DPP4: variants seen among roughly 807,000 people sequenced by gnomAD.
The protein encoded by DPP4 is ADCP-2.
In DPP4, 93 loss-of-function variants were observed where a neutral mutation model predicts 122.4. That is an observed-to-expected ratio of 0.76 (90% CI 0.64 to 0.90). The LOEUF is 0.90. DPP4 is among the 40% of genes least tolerant of loss of function. The pLI, the probability that DPP4 is intolerant of heterozygous loss-of-function variation, is 0.00. For synonymous variants in DPP4, 321 were observed against 302.9 expected (o/e 1.06, Z -0.62); for missense variants, 914 against 907.3 (o/e 1.01, Z -0.09).
At chr2:162,063,371 G>T (rs1684846764) in intron 2 of DPP4, among the ~76,000 whole-genome samples, 1 of 152,166 alleles carries the variant, frequency 6.6e-6, no homozygotes. Context: ...TTGGAAAGTT[G>T]CCAAGTTGTA....
intron 20 of DPP4, among the ~76,000 whole-genome samples, chr2:162,010,490 A>G (rs1472478117): frequency 6.6e-6 from 1 of 152,124 alleles, no homozygotes; most frequent in African/African-American, 2.4e-5. Context: ...AGCTCTTTTT[A>G]GTTGCTGCAA....
At chr2:162,044,364 G>T (rs1436715369) in intron 5 of DPP4, among the ~76,000 whole-genome samples, 3 of 152,134 alleles carry the variant, frequency 2.0e-5, no homozygotes, top group East Asian at 3.9e-4. Context: ...ATGCAGTAGG[G>T]AATGGTTTGC....
At chr2:162,043,098 A>G (rs917626072) in intron 5 of DPP4, among the ~76,000 whole-genome samples, 1 of 152,212 alleles carries the variant, frequency 6.6e-6, no homozygotes, top group Non-Finnish European at 1.5e-5. Context: ...AAAGGTTCTC[A>G]ACTCAGCATC....
chr2:162,019,366 T>C, intron 14 of DPP4, 90 bp from the exon 15 acceptor site: 1 of 902,130 alleles, frequency 1.1e-6, no homozygotes, highest in African/African-American at 1.7e-5. Flanking sequence ...AGCCTAAGTG[T>C]GCACGGAGCG....
At chr2:162,062,061 G>A (rs1305113431) in intron 2 of DPP4, among the ~76,000 whole-genome samples, 4 of 151,112 alleles carry the variant, frequency 2.6e-5, no homozygotes, top group Non-Finnish European at 5.9e-5. Context: ...CTGAGGTCAG[G>A]AGTATGAGAC....
intron 10 of DPP4, among the ~76,000 whole-genome samples, chr2:162,025,925 T>C (rs1425338182): frequency 6.6e-6 from 1 of 152,118 alleles, no homozygotes; most frequent in Admixed American, 6.5e-5. Flanking sequence ...AGGCTGGACC[T>C]GCCCCTCTCC....
At position 162,035,338 on chromosome 2, in the gene DPP4, C is replaced by T. The variant is rs6432708; in HGVS notation, c.614-14G>A. ...TGAAGACTTCCTCTGAAAAAAGACA[C>T]AAATTGTTCTGTTACAAGAAGTAGC... On this transcript the variant is annotated splice_polypyrimidine_tract_variant and intron_variant, in intron 8 of 25. Coordinates refer to ENST00000360534, the MANE Select transcript of DPP4 (RefSeq NM_001935.4). The T allele has an allele frequency of 0.63, 1,012,850 of 1,607,356 alleles. 328,062 individuals carry two copies. Among genetic ancestry groups the T allele is most frequent in the East Asian group, 0.99 (44,417 of 44,814 alleles).
At chr2:162,034,175 A>T (rs1052285747) in intron 9 of DPP4, among the ~76,000 whole-genome samples, 1 of 152,026 alleles carries the variant, frequency 6.6e-6, no homozygotes, top group Non-Finnish European at 1.5e-5. Flanking sequence ...ATTCAGGTTC[A>T]CTATGTTGGA....
At chr2:162,001,062 C>T (rs566941102) in intron 23 of DPP4, among the ~76,000 whole-genome samples, 15 of 152,260 alleles carry the variant, frequency 9.9e-5, no homozygotes, top group Admixed American at 6.5e-4. Flanking sequence ...GCATCATGCT[C>T]GTCCTCCCCA....
intron 2 of DPP4, among the ~76,000 whole-genome samples, chr2:162,067,657 A>T (rs966728406): frequency 9.5e-5 from 14 of 147,432 alleles, no homozygotes; most frequent in African/African-American, 3.5e-4. Flanking sequence ...AAACAATACA[A>T]TGCTTGGCAA....
intron 2 of DPP4, among the ~76,000 whole-genome samples, chr2:162,062,076 C>T (rs915409577): frequency 5.3e-5 from 8 of 150,902 alleles, no homozygotes; most frequent in African/African-American, 1.7e-4. Context: ...TGAGACCAGC[C>T]TGGCCAACAT....
intron 2 of DPP4, among the ~76,000 whole-genome samples, chr2:162,059,652 C>T (rs1684694021): frequency 6.6e-6 from 1 of 152,172 alleles, no homozygotes; most frequent in African/African-American, 2.4e-5. Flanking sequence ...TTGAAGAAGT[C>T]TCCCGAAGAT....
chr2:162,062,833 C>T (rs566842125), intron 2 of DPP4, among the ~76,000 whole-genome samples: 4 of 152,190 alleles, frequency 2.6e-5, no homozygotes, highest in East Asian at 1.9e-4. Flanking sequence ...TGCATCATAA[C>T]GAAACTTAAC....
chr2:162,065,609 G>C (rs1199024708), intron 2 of DPP4, among the ~76,000 whole-genome samples: 1 of 152,180 alleles, frequency 6.6e-6, no homozygotes, highest in African/African-American at 2.4e-5. Flanking sequence ...ACAGCATCAG[G>C]GGGCTGTAAG....
intron 2 of DPP4, among the ~76,000 whole-genome samples, chr2:162,071,830 T>TGTA (rs1685128260): frequency 1.3e-5 from 2 of 152,186 alleles, no homozygotes; most frequent in Non-Finnish European, 2.9e-5. Context: ...CAGAGTTAAC[T>TGTA]GCAGCAAGCC....
chr2:161,998,317 G>T (rs551418950), intron 23 of DPP4, among the ~76,000 whole-genome samples: 2 of 152,308 alleles, frequency 1.3e-5, no homozygotes, highest in Admixed American at 1.3e-4. Flanking sequence ...CGCAGGCTGA[G>T]GTGCCCCCAT....
At chr2:162,028,814 T>A (rs535001325) in intron 10 of DPP4, among the ~76,000 whole-genome samples, 86 of 152,364 alleles carry the variant, frequency 5.6e-4, no homozygotes, top group Middle Eastern at 3.4e-3. Flanking sequence ...CTGCAGATCA[T>A]GCTCTGCAGA....
chr2:162,045,135 T>C (rs958786903), intron 5 of DPP4, among the ~76,000 whole-genome samples: 1 of 151,938 alleles, frequency 6.6e-6, no homozygotes, highest in African/African-American at 2.4e-5. Context: ...ACTTTAACTC[T>C]TTTAAAAACA....
chr2:161,994,810 AGGATACCACTCTT>A, intron 25 of DPP4, 138 bp downstream of exon 25: 1 of 654,206 alleles, frequency 1.5e-6, no homozygotes, highest in East Asian at 2.8e-5. Flanking sequence ...GCATGGCTGA[AGGATACCACTCTT>A]CTGACTTCAC....
Sources: gnomAD v4.1 joint callset for allele counts (sites outside exome capture counted in the v4.1 genomes callset) on GRCh38, gnomAD v4.1.1 for gene constraint, MANE v1.5 for transcripts, NCBI Gene and HGNC (gene_info 2026-07-23, HGNC 2026-07-21) for gene names.